The following SV2C variants were observed in gnomAD, a reference collection of about 807,000 sequenced individuals.
SV2C encodes solute carrier family 22 member B3.
SV2C carries 49 observed loss-of-function variants against 79.7 expected under a neutral mutation model. That is an observed-to-expected ratio of 0.61 (90% CI 0.49 to 0.78). The LOEUF is 0.78. Among genes scored for constraint, SV2C ranks in the 30% least tolerant of loss-of-function variants. The pLI, the probability that SV2C is intolerant of heterozygous loss-of-function variation, is 0.00. For synonymous variants in SV2C, 334 were observed against 333.2 expected (o/e 1.00, Z -0.03); for missense variants, 833 against 912.9 (o/e 0.91, Z 1.13).
chr5:75,872,055 TTATA>T, the SV2C span, among the ~76,000 whole-genome samples: 1 of 146,892 alleles, frequency 6.8e-6, no homozygotes, highest in East Asian at 2.0e-4. Flanking sequence ...TCATATATAT[TTATA>T]TATACATATA....
At chr5:75,885,677 G>A in the SV2C span, among the ~76,000 whole-genome samples, 1 of 152,110 alleles carries the variant, frequency 6.6e-6, no homozygotes, top group Non-Finnish European at 1.5e-5. Flanking sequence ...ATACTCCCAA[G>A]TAGCTGGGAC....
At position 76,333,304 on chromosome 5, in the gene SV2C, T is replaced by C. The variant is rs1452611667; in HGVS notation, c.*7757T>C. On this transcript the variant is annotated 3_prime_UTR_variant, in exon 13 of 13. Coordinates refer to ENST00000502798, the MANE Select transcript of SV2C (RefSeq NM_014979.4). ...TTAATATACACTTTCTTAGCATCCATGCAGTTATGTATCCTCATCCTGATC... is the reference window on the plus strand; with the variant it reads ...TTAATATACACTTTCTTAGCATCCACGCAGTTATGTATCCTCATCCTGATC... 2 of 152,254 alleles carry C rather than the reference T, an allele frequency of 1.3e-5. No individual in the cohort carries two copies. The highest frequency in any genetic ancestry group is 2.9e-5 in the Non-Finnish European group (2 of 68,044). 9.4% of individuals were successfully genotyped at this position (152,254 alleles called of 1,614,324 possible).
At chr5:75,848,145 G>A in the SV2C span, among the ~76,000 whole-genome samples, 12 of 152,224 alleles carry the variant, frequency 7.9e-5, no homozygotes, top group Non-Finnish European at 1.5e-4. Context: ...CTATTGGTGT[G>A]AGAAGGTCTT....
At chr5:75,937,734 A>G in the SV2C span, among the ~76,000 whole-genome samples, 4 of 152,070 alleles carry the variant, frequency 2.6e-5, no homozygotes, top group African/African-American at 9.7e-5. Flanking sequence ...AAAACAAAAC[A>G]AAACAAAACT....
chr5:76,054,276 G>A, the SV2C span, among the ~76,000 whole-genome samples: 2 of 152,218 alleles, frequency 1.3e-5, no homozygotes, highest in South Asian at 4.2e-4. Flanking sequence ...AGTTTGCTGA[G>A]GGTGATAGTT....
the SV2C span, among the ~76,000 whole-genome samples, chr5:75,925,268 G>C: frequency 6.6e-6 from 1 of 152,198 alleles, no homozygotes; most frequent in Non-Finnish European, 1.5e-5. Flanking sequence ...AGGCACTTGA[G>C]CACCTCTGAC....
At chr5:76,242,053 T>C in intron 4 of SV2C, 1 of 1,465,396 alleles carries the variant, frequency 6.8e-7, no homozygotes, top group Non-Finnish European at 9.5e-7. Flanking sequence ...CCTTCAGCTT[T>C]CTGCGCCTGG....
At chr5:76,351,534 C>T (rs1374325905) in intron 12 of SV2C, among the ~76,000 whole-genome samples, 1 of 152,158 alleles carries the variant, frequency 6.6e-6, no homozygotes, top group Non-Finnish European at 1.5e-5. Context: ...TGTCCCTCTT[C>T]CCACAAAGAG....
rs562146757 is a variant in SV2C, at chr5:76,178,111, C to T, written c.581-16808C>T. On this transcript the variant is annotated intron_variant, in intron 2 of 12. Transcript: ENST00000502798. ...TTCAGCATATCAGTCTCAGGGTAGT[C>T]AGATGTACAGATGGGGCCTCAGGGC... is the stretch of plus-strand genomic sequence containing the variant. 4.6e-5 allele frequency among the ~76,000 whole-genome samples: 7 copies of T among 152,300 alleles called. No homozygotes were observed. In the South Asian group the frequency reaches 1.5e-3, roughly 32 times the overall value.
chr5:76,032,415 A>T, the SV2C span, among the ~76,000 whole-genome samples: 2 of 151,938 alleles, frequency 1.3e-5, no homozygotes, highest in African/African-American at 2.4e-5. Flanking sequence ...ACCCCACAAC[A>T]GTTCCCAGAG....
At chr5:75,880,773 T>C in the SV2C span, among the ~76,000 whole-genome samples, 2 of 152,208 alleles carry the variant, frequency 1.3e-5, no homozygotes, top group East Asian at 3.8e-4. Flanking sequence ...CTTCCACATA[T>C]TCAGGTATCT....
chr5:75,901,038 C>T, the SV2C span, among the ~76,000 whole-genome samples: 1 of 152,170 alleles, frequency 6.6e-6, no homozygotes. Context: ...GAGTTTCCTC[C>T]TGTAGCTCGG....
chr5:75,938,198 T>C, the SV2C span, among the ~76,000 whole-genome samples: 4 of 152,334 alleles, frequency 2.6e-5, no homozygotes, highest in South Asian at 6.2e-4. Flanking sequence ...ACAGTGGTAA[T>C]TGAAATTTAA....
chr5:76,339,497 G>A (rs995271471), intron 12 of SV2C, among the ~76,000 whole-genome samples: 6 of 152,034 alleles, frequency 3.9e-5, no homozygotes, highest in South Asian at 2.1e-4. Flanking sequence ...GGCGGATCAC[G>A]AGGTCAGGAG....
chr5:76,220,009 TG>T (rs1745021834), intron 4 of SV2C, among the ~76,000 whole-genome samples: 1 of 152,194 alleles, frequency 6.6e-6, no homozygotes, highest in South Asian at 2.1e-4. Context: ...CCTGCTCTGG[TG>T]CTCATGTGAA....
chr5:76,229,332 G>A (rs1745344858), intron 4 of SV2C, among the ~76,000 whole-genome samples: 1 of 152,224 alleles, frequency 6.6e-6, no homozygotes, highest in South Asian at 2.1e-4. Flanking sequence ...TTGCTCTCAG[G>A]TTTCACATTG....
At chr5:76,230,108 G>C (rs73766720) in intron 4 of SV2C, among the ~76,000 whole-genome samples, 17,881 of 152,100 alleles carry the variant, frequency 0.12, 3,048 homozygotes, top group African/African-American at 0.38. Flanking sequence ...AAACAATCAT[G>C]GTAATTTGAT....
Position 76,325,488 on chromosome 5 carries a change from G to C in SV2C, c.2125G>C (p.Val709Leu). ...IPILLASTVL[V>L]CGGLVGLCLP... ...CATCCTGCTGGCTTCTACTGTGCTCGTGTGTGGAGGACTCGTTGGGCTGTG... is the reference window on the plus strand; with the variant it reads ...CATCCTGCTGGCTTCTACTGTGCTCCTGTGTGGAGGACTCGTTGGGCTGTG... The change falls in exon 13 of 13, where the codon GTG (valine) becomes CTG (leucine). Residue 709 changes from valine (V) to leucine (L), a missense_variant. Physicochemically the swap from Val to Leu is conservative, Grantham distance 32. Transcript: ENST00000502798. The C allele has an allele frequency of 6.2e-7, 1 of 1,614,176 alleles. No homozygotes were observed. The highest frequency in any genetic ancestry group is 1.6e-4 in the Middle Eastern group (1 of 6,062).
intron 1 of SV2C, among the ~76,000 whole-genome samples, chr5:76,129,660 T>C (rs955492394): frequency 1.3e-5 from 2 of 152,164 alleles, no homozygotes; most frequent in Non-Finnish European, 2.9e-5. Context: ...CTGTAAAGCA[T>C]GTGGTAAGGA....
Sources: gnomAD v4.1 joint callset for allele counts (sites outside exome capture counted in the v4.1 genomes callset) on GRCh38, gnomAD v4.1.1 for gene constraint, MANE v1.5 for transcripts, NCBI Gene and HGNC (gene_info 2026-07-23, HGNC 2026-07-21) for gene names.